CDH4: variants seen among roughly 807,000 people sequenced by gnomAD.
The protein encoded by CDH4 is cadherin-4.
CDH4 carries 33 observed loss-of-function variants against 86.0 expected under a neutral mutation model. That is an observed-to-expected ratio of 0.38 (90% CI 0.29 to 0.51). CDH4 has a LOEUF of 0.51. Among genes scored for constraint, CDH4 ranks in the 20% least tolerant of loss-of-function variants. The pLI is 0.86. For missense variants in CDH4, 1,114 were observed against 1,307.4 expected, an observed-to-expected ratio of 0.85 and a Z score of 2.28; for synonymous variants, 555 against 549.4, an observed-to-expected ratio of 1.01 and a Z score of -0.14.
chr20:61,849,521 G>C (rs926868524), intron 5 of CDH4, among the ~76,000 whole-genome samples: 2 of 152,108 alleles, frequency 1.3e-5, no homozygotes, highest in Non-Finnish European at 2.9e-5. Context: ...GTGCTCCCCC[G>C]GCCCTAGGGA....
rs566105490 is a variant in CDH4 at position 61,617,215 on chromosome 20, C to T, written c.170-126348C>T. 4.8e-4 allele frequency among the ~76,000 whole-genome samples: 73 copies of T among 152,312 alleles called. 1 individual carries two copies. The South Asian group carries it at 0.013, about 26-fold the overall frequency. On this transcript the variant is annotated intron_variant, in intron 2 of 15. Transcript: ENST00000614565. ...AGCCTGTCTGAACCCATACTTCCCACGCTGTGTCGTGTCTGCCTGTCTTTC... is the reference window on the plus strand; with the variant it reads ...AGCCTGTCTGAACCCATACTTCCCATGCTGTGTCGTGTCTGCCTGTCTTTC...
chr20:61,753,608 C>A (rs1011010549), intron 3 of CDH4, among the ~76,000 whole-genome samples: 9 of 152,218 alleles, frequency 5.9e-5, no homozygotes, highest in African/African-American at 2.2e-4. Flanking sequence ...AGGAAACACT[C>A]GAGACCAAGC....
At chr20:61,298,138 G>A (rs2084366724) in intron 2 of CDH4, among the ~76,000 whole-genome samples, 1 of 152,174 alleles carries the variant, frequency 6.6e-6, no homozygotes, top group Non-Finnish European at 1.5e-5. Context: ...AGTGAAGAGT[G>A]CGATTGGGCG....
chr20:61,840,523 C>T (rs1982113011), intron 4 of CDH4, among the ~76,000 whole-genome samples: 1 of 152,312 alleles, frequency 6.6e-6, no homozygotes, highest in South Asian at 2.1e-4. Flanking sequence ...TCGCGGAGTC[C>T]CGTAAGTTAT....
rs1256182432 is a variant in CDH4, at chr20:61,876,252, T to C, written c.1050+2352T>C. 2.0e-5 allele frequency among the ~76,000 whole-genome samples: 3 copies of C among 152,288 alleles called. No individual in the cohort carries two copies. The East Asian group carries it at 5.8e-4, about 29-fold the overall frequency. ...CACAGACTGCCCCACCTGCGTGCCA[T>C]CAGCTCCTGGTGTGTGACGGGGAAA... On this transcript the variant is annotated intron_variant, in intron 7 of 15. Coordinates refer to ENST00000614565, the MANE Select transcript of CDH4 (RefSeq NM_001794.5).
rs2055132262 is a variant in CDH4, at chr20:61,932,978, C to G, written c.2240-7C>G. On this transcript the variant is annotated splice_region_variant and splice_polypyrimidine_tract_variant and intron_variant, in intron 13 of 15. Coordinates refer to ENST00000614565, the MANE Select transcript of CDH4 (RefSeq NM_001794.5). Reference sequence around the variant, plus strand: ...ACACCCTGCTCACGGGCAGCCCTCCCCCACAGCCATGGTCCTGCTGTTTGT... The same window carrying G: ...ACACCCTGCTCACGGGCAGCCCTCCGCCACAGCCATGGTCCTGCTGTTTGT... The G allele has an allele frequency of 6.2e-7, 1 of 1,610,430 alleles. No individual in the cohort carries two copies. Among genetic ancestry groups the G allele is most frequent in the Non-Finnish European group, 8.5e-7 (1 of 1,177,558 alleles).
intron 2 of CDH4, among the ~76,000 whole-genome samples, chr20:61,373,070 G>T (rs2084849098): frequency 6.6e-6 from 1 of 152,242 alleles, no homozygotes; most frequent in African/African-American, 2.4e-5. Context: ...GACAGTTGGA[G>T]GATTTGGCTT....
chr20:61,697,546 C>G (rs779128743), intron 2 of CDH4, among the ~76,000 whole-genome samples: 1 of 152,054 alleles, frequency 6.6e-6, no homozygotes, highest in Middle Eastern at 3.4e-3. Context: ...TGCAGTGAGC[C>G]GAGATCACGC....
chr20:61,439,070 C>A (rs1349982973), intron 2 of CDH4, among the ~76,000 whole-genome samples: 1 of 152,148 alleles, frequency 6.6e-6, no homozygotes, highest in Non-Finnish European at 1.5e-5. Flanking sequence ...GTTGACTCTT[C>A]TGACTGAATA....
intron 2 of CDH4, among the ~76,000 whole-genome samples, chr20:61,380,453 G>T (rs923807498): frequency 6.6e-6 from 1 of 152,032 alleles, no homozygotes; most frequent in African/African-American, 2.4e-5. Flanking sequence ...GAGTGATCGG[G>T]TTTGTGTGAA....
intron 2 of CDH4, among the ~76,000 whole-genome samples, chr20:61,449,850 G>C (rs141733330): frequency 4.7e-4 from 71 of 152,276 alleles, no homozygotes; most frequent in Non-Finnish European, 8.8e-4. Flanking sequence ...AGATTCTGTG[G>C]TATTTTGTGG....
At chr20:61,439,806 C>T (rs578127403) in intron 2 of CDH4, among the ~76,000 whole-genome samples, 5 of 152,360 alleles carry the variant, frequency 3.3e-5, no homozygotes, top group African/African-American at 1.2e-4. Context: ...GACCATCACC[C>T]TCAGCACTAG....
intron 12 of CDH4, 131 bp downstream of exon 12, chr20:61,928,554 G>C: frequency 2.7e-6 from 2 of 754,266 alleles, no homozygotes; most frequent in Admixed American, 4.8e-5. Context: ...TCCCACCAAG[G>C]CTGGGGACAC....
chr20:61,293,015 G>A (rs916963739), intron 2 of CDH4, among the ~76,000 whole-genome samples: 5 of 152,176 alleles, frequency 3.3e-5, no homozygotes, highest in African/African-American at 7.2e-5. Flanking sequence ...TAGGGGCCTG[G>A]CTGTGGCTGG....
At chr20:61,514,144 G>T (rs2085800122) in intron 2 of CDH4, among the ~76,000 whole-genome samples, 2 of 152,220 alleles carry the variant, frequency 1.3e-5, no homozygotes, top group African/African-American at 4.8e-5. Flanking sequence ...GTCATAGGTG[G>T]ATCCAGCGAT....
At chr20:61,452,716 A>T (rs2145548375) in intron 2 of CDH4, among the ~76,000 whole-genome samples, 1 of 152,350 alleles carries the variant, frequency 6.6e-6, no homozygotes. Flanking sequence ...TTCACACTTC[A>T]TCTTTGTGAT....
chr20:61,481,435 A>G (rs1443863609), intron 2 of CDH4, among the ~76,000 whole-genome samples: 3 of 152,248 alleles, frequency 2.0e-5, no homozygotes, highest in Non-Finnish European at 2.9e-5. Context: ...AGCGTAGGGC[A>G]TGATTGTGCC....
chr20:61,412,748 C>T (rs778337285), intron 2 of CDH4, among the ~76,000 whole-genome samples: 22 of 152,276 alleles, frequency 1.4e-4, no homozygotes, highest in East Asian at 3.9e-4. Flanking sequence ...TGCATCTCTC[C>T]GGCCTCATGG....
At chr20:61,806,807 A>G (rs923276607) in intron 4 of CDH4, among the ~76,000 whole-genome samples, 4 of 152,266 alleles carry the variant, frequency 2.6e-5, no homozygotes, top group African/African-American at 9.6e-5. Context: ...ACACATGTGC[A>G]CACCGTCTCT....
Sources: allele counts gnomAD v4.1 joint callset (sites outside exome capture counted in the v4.1 genomes callset), GRCh38; gene constraint gnomAD v4.1.1; transcripts MANE v1.5; gene names NCBI Gene and HGNC (gene_info 2026-07-23, HGNC 2026-07-21).